Variants in CRTC3 observed in about 807,000 individuals in gnomAD.
CRTC3 encodes CREB regulated transcription coactivator 3.
CRTC3 carries 26 observed loss-of-function variants against 74.5 expected under a neutral mutation model. The observed-to-expected ratio is 0.35, with a 90% CI of 0.26 to 0.48. The LOEUF is 0.48. Ranked by LOEUF, CRTC3 falls within the 20% of genes least tolerant of loss-of-function variation. CRTC3 has a pLI of 0.99. For synonymous variants in CRTC3, 377 were observed against 325.8 expected, an observed-to-expected ratio of 1.16 and a Z score of -1.69; for missense variants, 760 against 787.3, an observed-to-expected ratio of 0.97 and a Z score of 0.41.
chr15:90,641,470 G>A (rs1340297078), intron 14 of CRTC3, among the ~76,000 whole-genome samples: 1 of 152,010 alleles, frequency 6.6e-6, no homozygotes, highest in East Asian at 1.9e-4. Context: ...GGCCGAGGTG[G>A]GCGGATCATC....
At chr15:90,630,757 T>C (rs1969007999) in intron 11 of CRTC3, among the ~76,000 whole-genome samples, 3 of 8,072 alleles carry the variant, frequency 3.7e-4, no homozygotes, top group African/African-American at 1.4e-3. Context: ...TACAGCATCA[T>C]TTTTTTTTTT....
chr15:90,644,268 C>T lies in CRTC3; in HGVS notation c.*2128C>T, dbSNP rs1969551531. The T allele has an allele frequency of 4.4e-6, 1 of 229,372 alleles. No homozygotes were observed. The highest frequency in any genetic ancestry group is 8.6e-6 in the Non-Finnish European group (1 of 115,738). The allele number at this position is 229,372 out of a possible 1,614,324, so 14.2% of individuals were successfully genotyped here. A position where few individuals can be genotyped will look rare whatever the true frequency, so the allele number is the denominator to read the frequency against. Reference sequence around the variant, plus strand: ...TCAGTCGCAATGCTACCCAGCACCCCATGTGCCAAAAGAAACCAGCTCCTG... The same window carrying T: ...TCAGTCGCAATGCTACCCAGCACCCTATGTGCCAAAAGAAACCAGCTCCTG... On this transcript the variant is annotated 3_prime_UTR_variant, in exon 15 of 15. Coordinates refer to ENST00000268184, the MANE Select transcript of CRTC3 (RefSeq NM_022769.5).
Position 90,632,672 on chromosome 15 carries a change from T to G in CRTC3, c.1266+3140T>G, listed in dbSNP as rs553578653. Among the ~76,000 whole-genome samples the G allele has an allele frequency of 5.3e-5, 8 of 152,298 alleles. No homozygotes were observed. The East Asian group carries it at 1.5e-3, about 29-fold the overall frequency. ...CAGGCTGGGGTGTAGTGGTGCGATC[T>G]CAACTCACTGAAACCTCCACCTCCC... On this transcript the variant is annotated intron_variant, in intron 11 of 14. Transcript: ENST00000268184.
At chr15:90,588,105 A>T (rs1005169181) in intron 2 of CRTC3, among the ~76,000 whole-genome samples, 2 of 151,634 alleles carry the variant, frequency 1.3e-5, no homozygotes, top group African/African-American at 4.8e-5. Flanking sequence ...TAAAAAAATT[A>T]AAAAATTAGC....
At chr15:90,554,144 G>T (rs1297450796) in intron 2 of CRTC3, among the ~76,000 whole-genome samples, 1 of 151,752 alleles carries the variant, frequency 6.6e-6, no homozygotes, top group Non-Finnish European at 1.5e-5. Flanking sequence ...TAAATGAGTT[G>T]TTATACATAA....
chr15:90,597,397 T>G (rs1392179609), intron 3 of CRTC3, among the ~76,000 whole-genome samples: 1 of 152,162 alleles, frequency 6.6e-6, no homozygotes, highest in Non-Finnish European at 1.5e-5. Context: ...TGAAAGGAAG[T>G]CAAGAGTTCA....
intron 2 of CRTC3, among the ~76,000 whole-genome samples, chr15:90,591,362 C>T (rs1459021197): frequency 6.6e-6 from 1 of 152,138 alleles, no homozygotes; most frequent in East Asian, 1.9e-4. Flanking sequence ...TCAAGCAATT[C>T]TCCCACCTCC....
intron 10 of CRTC3, among the ~76,000 whole-genome samples, chr15:90,627,989 G>A (rs971810922): frequency 2.0e-5 from 3 of 150,258 alleles, no homozygotes; most frequent in Non-Finnish European, 3.0e-5. Context: ...AGGCCGAGGC[G>A]AGTGGATCAC....
chr15:90,588,328 T>C (rs1967716865), intron 2 of CRTC3, among the ~76,000 whole-genome samples: 1 of 151,786 alleles, frequency 6.6e-6, no homozygotes, highest in African/African-American at 2.4e-5. Flanking sequence ...ATCACTACCA[T>C]ATTAGCCAGC....
chr15:90,543,854 T>C (rs1966839321), intron 2 of CRTC3, among the ~76,000 whole-genome samples: 1 of 151,516 alleles, frequency 6.6e-6, no homozygotes, highest in Non-Finnish European at 1.5e-5. Flanking sequence ...TTGTGTCTGT[T>C]TGTAAGTATT....
At chr15:90,555,494 G>A (rs1403944680) in intron 2 of CRTC3, among the ~76,000 whole-genome samples, 1 of 152,000 alleles carries the variant, frequency 6.6e-6, no homozygotes, top group Non-Finnish European at 1.5e-5. Context: ...GTTAACTCTA[G>A]TGTTCTTTTT....
At chr15:90,641,793 G>A in intron 14 of CRTC3, 139 bp from the exon 15 acceptor site, 1 of 682,370 alleles carries the variant, frequency 1.5e-6, no homozygotes, top group South Asian at 1.8e-5. Flanking sequence ...AGATTCCAGG[G>A]CAAGAACTGT....
In CRTC3 at chr15:90,642,920, G is replaced by T. The variant is rs141269819; in HGVS notation, c.*780G>T. On this transcript the variant is annotated 3_prime_UTR_variant, in exon 15 of 15. Transcript: ENST00000268184. ...CTGGGGAAGGAAGACAGGGACTGCA[G>T]GTGTCTCATACTCAGTGGCCTCCAG... is the stretch of plus-strand genomic sequence containing the variant. 4.4e-3 allele frequency: 1,033 copies of T among 233,374 alleles called. 13 individuals are homozygous for T. The highest frequency in any genetic ancestry group is 0.021 in the African/African-American group (952 of 45,398). 14.5% of individuals were successfully genotyped at this position (233,374 alleles called of 1,614,324 possible).
Position 90,530,983 on chromosome 15 carries a change from G to A in CRTC3, c.132+780G>A, listed in dbSNP as rs983945487. ...TCCGCGCAGGGTTGCAGAGAAGGGG[G>A]GTCAGCAGGAGTGGGGCTGGCCTTG... On this transcript the variant is annotated intron_variant, in intron 1 of 14. Coordinates refer to ENST00000268184, the MANE Select transcript of CRTC3 (RefSeq NM_022769.5). This position sits in a 1 kb window ranked among gnomAD's most constrained non-coding sequence, Gnocchi z 6.2. Among the ~76,000 whole-genome samples the A allele has an allele frequency of 6.6e-6, 1 of 152,020 alleles. No homozygotes were observed. The highest frequency in any genetic ancestry group is 2.4e-5 in the African/African-American group (1 of 41,370).
At chr15:90,594,077 A>C (rs1329949557) in intron 3 of CRTC3, 1 of 199,454 alleles carries the variant, frequency 5.0e-6, no homozygotes, top group African/African-American at 2.3e-5. Context: ...CCTGACTTTG[A>C]ATCAGGTTAG....
intron 2 of CRTC3, among the ~76,000 whole-genome samples, chr15:90,583,173 G>T (rs1967583144): frequency 6.6e-6 from 1 of 152,044 alleles, no homozygotes; most frequent in African/African-American, 2.4e-5. Flanking sequence ...TATTTTGCCT[G>T]GCCCTCTGTG....
intron 2 of CRTC3, among the ~76,000 whole-genome samples, chr15:90,582,007 G>T (rs1428648408): frequency 2.6e-5 from 4 of 152,132 alleles, no homozygotes. Flanking sequence ...CTCCAAGGGT[G>T]CCTTTGGCCA....
intron 1 of CRTC3, 124 bp from the exon 2 acceptor site, chr15:90,539,914 AC>A (rs1596068947): frequency 5.6e-6 from 4 of 710,168 alleles, no homozygotes; most frequent in Non-Finnish European, 9.7e-6. Flanking sequence ...GTGATCACTT[AC>A]GTCGAGAAGA....
chr15:90,633,238 T>C lies in CRTC3; in HGVS notation c.1266+3706T>C, dbSNP rs186175899. 1.0e-4 allele frequency among the ~76,000 whole-genome samples: 15 copies of C among 146,738 alleles called. No individual in the cohort carries two copies. The East Asian group carries it at 2.9e-3, about 28-fold the overall frequency. On this transcript the variant is annotated intron_variant, in intron 11 of 14. Transcript: ENST00000268184. The stretch of plus-strand genomic sequence containing the variant: ...CTTTTTTTATTAGCCTGGTTATCTA[T>C]ATGTATCTATGTGTATGACTAATTC...
Sources: allele counts gnomAD v4.1 joint callset (sites outside exome capture counted in the v4.1 genomes callset), GRCh38; gene constraint gnomAD v4.1.1; non-coding constraint Gnocchi (gnomAD v3.1); transcripts MANE v1.5; gene names NCBI Gene and HGNC (gene_info 2026-07-23, HGNC 2026-07-21).